NKAIN2: variants seen among roughly 807,000 people sequenced by gnomAD.
NKAIN2 encodes the protein sodium/potassium transporting ATPase interacting 2.
A neutral mutation model predicts 32.6 loss-of-function variants in NKAIN2; 14 were observed. That is an observed-to-expected ratio of 0.43 (90% CI 0.28 to 0.67). The LOEUF is 0.67. Ranked by LOEUF, NKAIN2 falls within the 30% of genes least tolerant of loss-of-function variation. The pLI, the probability that NKAIN2 is intolerant of heterozygous loss-of-function variation, is 0.17. For synonymous variants in NKAIN2, 80 were observed against 87.2 expected, an observed-to-expected ratio of 0.92 and a Z score of 0.46; for missense variants, 198 against 258.3, an observed-to-expected ratio of 0.77 and a Z score of 1.60.
intron 4 of NKAIN2, among the ~76,000 whole-genome samples, chr6:124,675,893 TC>T (rs1447672338): frequency 1.3e-5 from 2 of 148,588 alleles, no homozygotes; most frequent in Non-Finnish European, 3.0e-5. Flanking sequence ...TCCTTCTTTT[TC>T]TGGTTCTTTG....
chr6:124,239,957 C>G (rs187401640), intron 1 of NKAIN2, among the ~76,000 whole-genome samples: 113 of 152,160 alleles, frequency 7.4e-4, no homozygotes, highest in African/African-American at 2.7e-3. Context: ...AATCCAGGAG[C>G]TGGTTTTTTG....
intron 1 of NKAIN2, among the ~76,000 whole-genome samples, chr6:124,215,088 AG>A (rs1791397450): frequency 6.6e-6 from 1 of 152,228 alleles, no homozygotes; most frequent in Non-Finnish European, 1.5e-5. Context: ...TCATGACAAA[AG>A]ATAATGATAT....
chr6:124,288,579 A>G (rs532039337), intron 2 of NKAIN2, among the ~76,000 whole-genome samples: 5 of 152,300 alleles, frequency 3.3e-5, no homozygotes, highest in African/African-American at 1.2e-4. Context: ...ATCTCTAGTA[A>G]CAGTGAATTA....
chr6:124,202,714 A>G (rs899798766), intron 1 of NKAIN2, among the ~76,000 whole-genome samples: 2 of 151,978 alleles, frequency 1.3e-5, no homozygotes, highest in Non-Finnish European at 2.9e-5. Context: ...TTGTTGGGAC[A>G]GCTGGACACG....
chr6:124,508,205 A>G (rs543211372), intron 3 of NKAIN2, among the ~76,000 whole-genome samples: 1 of 152,172 alleles, frequency 6.6e-6, no homozygotes, highest in East Asian at 1.9e-4. Flanking sequence ...TGTAGTGAGC[A>G]GTGATCATGC....
intron 3 of NKAIN2, among the ~76,000 whole-genome samples, chr6:124,596,541 C>T (rs972923667): frequency 6.6e-6 from 1 of 152,084 alleles, no homozygotes; most frequent in African/African-American, 2.4e-5. Flanking sequence ...ATTAGCAGAA[C>T]AGATCAATAG....
chr6:124,510,431 C>T (rs761597377), intron 3 of NKAIN2, among the ~76,000 whole-genome samples: 7 of 152,072 alleles, frequency 4.6e-5, no homozygotes, highest in Non-Finnish European at 7.4e-5. Context: ...CATATATGTT[C>T]GATCAAGAGG....
At chr6:124,459,540 G>A (rs1236387375) in intron 3 of NKAIN2, among the ~76,000 whole-genome samples, 1 of 151,828 alleles carries the variant, frequency 6.6e-6, no homozygotes, top group Non-Finnish European at 1.5e-5. Context: ...TGACACCTAA[G>A]TGATGATATT....
chr6:124,506,395 A>G (rs1778482316), intron 3 of NKAIN2, among the ~76,000 whole-genome samples: 1 of 152,196 alleles, frequency 6.6e-6, no homozygotes, highest in South Asian at 2.1e-4. Flanking sequence ...CAGAGCAATA[A>G]GGGCTGATCA....
intron 1 of NKAIN2, among the ~76,000 whole-genome samples, chr6:124,139,016 C>T (rs1234461846): frequency 1.3e-5 from 2 of 150,310 alleles, no homozygotes; most frequent in Admixed American, 6.6e-5. Flanking sequence ...TCAGAAATCA[C>T]CACTAAAGAA....
At chr6:124,307,791 C>A (rs1260057288) in intron 2 of NKAIN2, among the ~76,000 whole-genome samples, 1 of 151,984 alleles carries the variant, frequency 6.6e-6, no homozygotes, top group East Asian at 1.9e-4. Flanking sequence ...CCAAAATAAG[C>A]ATTTCTCAGA....
chr6:123,998,134 T>C lies in NKAIN2; in HGVS notation c.54+193880T>C, dbSNP rs1034070382. 6.6e-5 allele frequency among the ~76,000 whole-genome samples: 10 copies of C among 152,134 alleles called. 1 individual carries two copies. Among genetic ancestry groups the C allele is most frequent in the African/African-American group, 2.4e-4 (10 of 41,436 alleles). On this transcript the variant is annotated intron_variant, in intron 1 of 6. Transcript: ENST00000368417. ...CATTGGCCTAGCTTTGATTCTTTAA[T>C]GTAACAAAGATAGATGTGGGAAAAA... is the stretch of plus-strand genomic sequence containing the variant.
intron 3 of NKAIN2, among the ~76,000 whole-genome samples, chr6:124,604,206 A>T (rs563591617): frequency 1.3e-5 from 2 of 152,076 alleles, no homozygotes; most frequent in East Asian, 3.9e-4. Context: ...ACAAACACGA[A>T]ATTTCAACCA....
chr6:124,678,901 T>C (rs539145878), intron 4 of NKAIN2, among the ~76,000 whole-genome samples: 1 of 152,222 alleles, frequency 6.6e-6, no homozygotes, highest in Non-Finnish European at 1.5e-5. Context: ...ACCTTTTCTA[T>C]GGATGAATCT....
At chr6:124,128,395 T>C (rs565391661) in intron 1 of NKAIN2, among the ~76,000 whole-genome samples, 33 of 152,378 alleles carry the variant, frequency 2.2e-4, no homozygotes, top group African/African-American at 7.7e-4. Flanking sequence ...ATCTAAATAG[T>C]CACATGTAGT....
At chr6:124,521,449 A>G (rs1385859321) in intron 3 of NKAIN2, among the ~76,000 whole-genome samples, 1 of 152,126 alleles carries the variant, frequency 6.6e-6, no homozygotes, top group African/African-American at 2.4e-5. Flanking sequence ...ATGTGCATTC[A>G]TTTATTTAAA....
At chr6:124,348,553 C>T (rs2115116616) in intron 2 of NKAIN2, among the ~76,000 whole-genome samples, 1 of 152,344 alleles carries the variant, frequency 6.6e-6, no homozygotes, top group South Asian at 2.1e-4. Context: ...TGCCCCTCCC[C>T]CAGCCTCGCT....
At chr6:124,152,504 A>G (rs1158573407) in intron 1 of NKAIN2, among the ~76,000 whole-genome samples, 1 of 151,980 alleles carries the variant, frequency 6.6e-6, no homozygotes, top group Non-Finnish European at 1.5e-5. Context: ...AAAAGGACAG[A>G]AAATAACAAG....
chr6:124,815,242 G>GTATATATGTATATATATATGTGTA (rs1781104762), intron 5 of NKAIN2, among the ~76,000 whole-genome samples: 1 of 62,262 alleles, frequency 1.6e-5, no homozygotes, highest in Non-Finnish European at 4.4e-5. Context: ...ATATATATAT[G>GTATATATGTATATATATATGTGTA]TATATATGTA....
Sources: allele counts gnomAD v4.1 joint callset (sites outside exome capture counted in the v4.1 genomes callset), GRCh38; gene constraint gnomAD v4.1.1; transcripts MANE v1.5; gene names NCBI Gene and HGNC (gene_info 2026-07-23, HGNC 2026-07-21).